The following DLGAP2 variants were observed in gnomAD, a reference collection of about 807,000 sequenced individuals.
DLGAP2 encodes DLG associated protein 2.
Under a neutral mutation model 100.3 loss-of-function variants are expected in DLGAP2, and 26 were observed. The observed-to-expected ratio is 0.26, with a 90% CI of 0.19 to 0.36. The LOEUF is 0.36. DLGAP2 is among the 10% of genes least tolerant of loss of function. The pLI is 1.00. For missense variants in DLGAP2, 1,858 were observed against 1,453.2 expected (o/e 1.28, Z -4.53); for synonymous variants, 886 against 630.1 (o/e 1.41, Z -6.08).
intron 5 of DLGAP2, among the ~76,000 whole-genome samples, chr8:1,562,135 G>T (rs1802191714): frequency 3.7e-5 from 1 of 26,866 alleles, no homozygotes; most frequent in Non-Finnish European, 7.4e-5. Context: ...CCTCGTTACT[G>T]GGGGACTGTG....
intron 2 of DLGAP2, among the ~76,000 whole-genome samples, chr8:1,202,722 C>T (rs1018090814): frequency 2.0e-5 from 3 of 152,160 alleles, no homozygotes; most frequent in Non-Finnish European, 2.9e-5. Context: ...AACGCTTCCT[C>T]CTCAGTCTCC....
At chr8:1,282,299 CGCCCTGAACCATCCGG>C (rs1799834155) in intron 3 of DLGAP2, among the ~76,000 whole-genome samples, 15 of 145,206 alleles carry the variant, frequency 1.0e-4, no homozygotes, top group Non-Finnish European at 1.7e-4. Flanking sequence ...CTGAACCCAG[CGCCCTGAACCATCCGG>C]ACGTGGTGTG....
intron 2 of DLGAP2, among the ~76,000 whole-genome samples, chr8:1,121,629 C>T (rs1181498998): frequency 6.6e-6 from 1 of 152,032 alleles, no homozygotes; most frequent in Non-Finnish European, 1.5e-5. Flanking sequence ...ATCTTCATCC[C>T]TTCAGAACCC....
intron 8 of DLGAP2, among the ~76,000 whole-genome samples, chr8:1,664,851 A>C (rs1326982829): frequency 6.6e-6 from 1 of 152,208 alleles, no homozygotes; most frequent in Non-Finnish European, 1.5e-5. Flanking sequence ...TTTGAGAACA[A>C]CCTGGCAGGC....
rs1253447791 is a variant in DLGAP2, at chr8:1,168,544, T to C, written c.74-90307T>C. 2.0e-5 allele frequency among the ~76,000 whole-genome samples: 3 copies of C among 147,268 alleles called. No individual in the cohort carries two copies. The Admixed American group carries it at 2.1e-4, about 10-fold the overall frequency. On this transcript the variant is annotated intron_variant, in intron 2 of 14. Transcript: ENST00000637795. ...TCTCCACATCCTCTCCAGCACCTGT[T>C]GTTTCCTGACTTTTTAATGATCGCC...
intron 1 of DLGAP2, among the ~76,000 whole-genome samples, chr8:772,887 A>G (rs1209153563): frequency 2.0e-5 from 3 of 152,154 alleles, no homozygotes; most frequent in Non-Finnish European, 4.4e-5. Flanking sequence ...GAGCTTCCTA[A>G]TTCCTCTGGG....
chr8:1,494,977 C>G (rs1166810251), intron 3 of DLGAP2, among the ~76,000 whole-genome samples: 1 of 152,146 alleles, frequency 6.6e-6, no homozygotes, highest in African/African-American at 2.4e-5. Flanking sequence ...AGAGTGAGGT[C>G]CCGAGATATG....
At chr8:1,171,359 G>A (rs888229492) in intron 2 of DLGAP2, among the ~76,000 whole-genome samples, 2 of 152,276 alleles carry the variant, frequency 1.3e-5, no homozygotes, top group East Asian at 1.9e-4. Context: ...TGTATATTCT[G>A]TTGATTTGGG....
intron 3 of DLGAP2, among the ~76,000 whole-genome samples, chr8:1,326,565 T>G (rs1801026692): frequency 6.6e-6 from 1 of 151,646 alleles, no homozygotes; most frequent in Non-Finnish European, 1.5e-5. Context: ...ACGCACTCGG[T>G]CTCAGTCCGG....
At chr8:816,895 G>A (rs1052492452) in intron 1 of DLGAP2, among the ~76,000 whole-genome samples, 28 of 152,144 alleles carry the variant, frequency 1.8e-4, no homozygotes, top group African/African-American at 6.8e-4. Context: ...AAACTTCTTA[G>A]AGGCTTTGTT....
chr8:1,663,492 T>C (rs1184372158), intron 8 of DLGAP2, among the ~76,000 whole-genome samples: 1 of 152,094 alleles, frequency 6.6e-6, no homozygotes, highest in Admixed American at 6.5e-5. Flanking sequence ...GGAAGGCAGT[T>C]TCTCCAAGAT....
intron 2 of DLGAP2, among the ~76,000 whole-genome samples, chr8:1,254,171 C>G (rs1236309924): frequency 6.6e-6 from 1 of 152,196 alleles, no homozygotes; most frequent in Admixed American, 6.5e-5. Flanking sequence ...CCCACCCTTG[C>G]AGGTCTCAGT....
chr8:1,466,371 T>A (rs1386899088), intron 3 of DLGAP2, among the ~76,000 whole-genome samples: 1 of 151,846 alleles, frequency 6.6e-6, no homozygotes, highest in African/African-American at 2.4e-5. Context: ...AGGAGACATT[T>A]CCCCCCTCCC....
chr8:795,462 C>T (rs891594839), intron 1 of DLGAP2, among the ~76,000 whole-genome samples: 7 of 152,140 alleles, frequency 4.6e-5, no homozygotes, highest in African/African-American at 1.7e-4. Context: ...GTGAAATCAC[C>T]CACAAAAAGC....
At chr8:1,220,067 G>A (rs1025146148) in intron 2 of DLGAP2, among the ~76,000 whole-genome samples, 4 of 151,888 alleles carry the variant, frequency 2.6e-5, no homozygotes, top group African/African-American at 9.7e-5. Flanking sequence ...ACCAACTTAT[G>A]GTTTTGTTGA....
intron 2 of DLGAP2, among the ~76,000 whole-genome samples, chr8:1,176,479 C>A (rs889378435): frequency 6.6e-6 from 1 of 152,190 alleles, no homozygotes; most frequent in Non-Finnish European, 1.5e-5. Flanking sequence ...AATGTAGTCA[C>A]GAGCATTACA....
chr8:1,118,209 C>G (rs1008347538), intron 2 of DLGAP2, among the ~76,000 whole-genome samples: 4 of 152,202 alleles, frequency 2.6e-5, no homozygotes, highest in Non-Finnish European at 5.9e-5. Flanking sequence ...TAGGCCATGT[C>G]TGGAGATTCT....
intron 1 of DLGAP2, chr8:739,570 A>T (rs1310642944): frequency 4.6e-5 from 7 of 152,258 alleles, no homozygotes. Flanking sequence ...GGTAATAGAT[A>T]ACCAAGGCCA....
At chr8:1,592,323 A>G (rs989571254) in intron 6 of DLGAP2, among the ~76,000 whole-genome samples, 4 of 152,142 alleles carry the variant, frequency 2.6e-5, no homozygotes, top group Non-Finnish European at 4.4e-5. Context: ...TTTAATTATG[A>G]AAACTCTGAA....
Sources: gnomAD v4.1 joint callset for allele counts (sites outside exome capture counted in the v4.1 genomes callset) on GRCh38, gnomAD v4.1.1 for gene constraint, MANE v1.5 for transcripts, NCBI Gene and HGNC (gene_info 2026-07-23, HGNC 2026-07-21) for gene names.